ZNF469: variants seen among roughly 807,000 people sequenced by gnomAD.
ZNF469 encodes the protein zinc finger protein 469.
ZNF469 carries 1 observed loss-of-function variant against 1.0 expected under a neutral mutation model. The observed-to-expected ratio is 1.00, with a 90% CI of 0.35 to 4.73. The LOEUF is 4.73. ZNF469 is among the 30% of genes most tolerant of loss of function. The pLI, the probability that ZNF469 is intolerant of heterozygous loss-of-function variation, is 0.16. For synonymous variants in ZNF469, 2,703 were observed against 2,363.4 expected (o/e 1.14, Z -4.17); for missense variants, 6,100 against 5,356.3 (o/e 1.14, Z -4.33).
chr16:88,414,185 C>G (rs1213335200), intron 1 of ZNF469, among the ~76,000 whole-genome samples: 1 of 152,200 alleles, frequency 6.6e-6, no homozygotes, highest in Non-Finnish European at 1.5e-5. Flanking sequence ...GGGTAGAGTC[C>G]AACCTTGGGA....
chr16:88,357,446 G>A, the ZNF469 span, among the ~76,000 whole-genome samples: 1 of 152,102 alleles, frequency 6.6e-6, no homozygotes, highest in Non-Finnish European at 1.5e-5. Context: ...GTGTAGGTTC[G>A]AGTCTCATCC....
chr16:88,395,205 G>A (rs998478577), intron 1 of ZNF469, among the ~76,000 whole-genome samples: 3 of 151,282 alleles, frequency 2.0e-5, no homozygotes, highest in African/African-American at 7.3e-5. Flanking sequence ...GTGGGTATGT[G>A]GATGGATGGG....
chr16:88,402,591 G>C (rs1904912730), intron 1 of ZNF469, among the ~76,000 whole-genome samples: 1 of 152,186 alleles, frequency 6.6e-6, no homozygotes, highest in African/African-American at 2.4e-5. Context: ...CAGGATGCTG[G>C]TTGCAGCTCA....
At chr16:88,158,273 G>C in the ZNF469 span, among the ~76,000 whole-genome samples, 1 of 151,976 alleles carries the variant, frequency 6.6e-6, no homozygotes, top group Non-Finnish European at 1.5e-5. Context: ...GGAGGCCAGG[G>C]AGTGGGGGCA....
the ZNF469 span, among the ~76,000 whole-genome samples, chr16:88,145,263 A>C: frequency 1.3e-5 from 2 of 152,210 alleles, no homozygotes; most frequent in African/African-American, 4.8e-5. Context: ...AGCATTTTAA[A>C]AGCAATTATT....
At chr16:88,151,267 C>G in the ZNF469 span, among the ~76,000 whole-genome samples, 457 of 152,352 alleles carry the variant, frequency 3.0e-3, no homozygotes, top group African/African-American at 0.01. The surrounding 1 kb of genome is among the most constrained non-coding windows in gnomAD (Gnocchi z 5.4). Context: ...TCAGCCGGGA[C>G]GACCCCAGAT....
chr16:88,347,110 T>TGGTG, the ZNF469 span, among the ~76,000 whole-genome samples: 1 of 152,162 alleles, frequency 6.6e-6, no homozygotes, highest in Non-Finnish European at 1.5e-5. Context: ...CAGCATGGTG[T>TGGTG]CACCTGTGTT....
chr16:88,372,088 A>C, the ZNF469 span, among the ~76,000 whole-genome samples: 1 of 126,602 alleles, frequency 7.9e-6, no homozygotes, highest in African/African-American at 3.1e-5. Context: ...CACCATCATC[A>C]CCATCACCAC....
the ZNF469 span, among the ~76,000 whole-genome samples, chr16:88,230,988 C>G: frequency 3.9e-5 from 6 of 152,146 alleles, no homozygotes; most frequent in Admixed American, 2.6e-4. Flanking sequence ...GGACACACGG[C>G]TGGAACTCTA....
the ZNF469 span, among the ~76,000 whole-genome samples, chr16:88,136,491 C>T: frequency 2.0e-5 from 3 of 152,366 alleles, no homozygotes; most frequent in East Asian, 1.9e-4. Context: ...TTCGTAACCC[C>T]AGGCCTGGTT....
At chr16:88,322,402 C>T in the ZNF469 span, among the ~76,000 whole-genome samples, 2 of 152,244 alleles carry the variant, frequency 1.3e-5, no homozygotes, top group Admixed American at 6.5e-5. Context: ...CTCGCGGTCT[C>T]GGGAGCCCCG....
At chr16:88,233,057 G>C in the ZNF469 span, among the ~76,000 whole-genome samples, 4 of 152,166 alleles carry the variant, frequency 2.6e-5, no homozygotes, top group African/African-American at 7.2e-5. Flanking sequence ...CCCACGGCCC[G>C]GGGGAGCCTC....
the ZNF469 span, among the ~76,000 whole-genome samples, chr16:88,138,429 T>C: frequency 6.6e-6 from 1 of 152,228 alleles, no homozygotes; most frequent in Non-Finnish European, 1.5e-5. Context: ...TAGCCCCAGC[T>C]TCCTTACTTC....
In ZNF469 at chr16:88,438,670, G is replaced by A. The variant is rs568186734; in HGVS notation, c.11200G>A (p.Gly3734Ser). Reference protein sequence around the residue: ...PKAKPGPSSQGSGSPRPGTKT... With the variant: ...PKAKPGPSSQSSGSPRPGTKT... ...AGCCAAACCCGGCCCCAGCTCCCAG[G>A]GCAGTGGAAGCCCTCGCCCCGGCAC... The change falls in exon 3 of 3, where the codon GGC becomes AGC. Residue 3734 changes from glycine (G) to serine (S), a missense_variant. Physicochemically the swap from Gly to Ser is moderately conservative, Grantham distance 56 (BLOSUM62 0). Coordinates refer to ENST00000565624, the MANE Select transcript of ZNF469 (RefSeq NM_001367624.2). 1 of 1,550,082 alleles carries A rather than the reference G, an allele frequency of 6.5e-7. No homozygotes were observed. Among genetic ancestry groups the A allele is most frequent in the Admixed American group, 2.0e-5 (1 of 51,002 alleles).
chr16:88,437,215 G>A lies in ZNF469; in HGVS notation c.9745G>A (p.Ala3249Thr), dbSNP rs560665168. 23 of 1,549,378 alleles carry A rather than the reference G, an allele frequency of 1.5e-5. No individual in the cohort carries two copies. In the Admixed American group the frequency reaches 2.0e-4, roughly 13 times the overall value. Reference protein sequence around the residue: ...HRGKRSAGKAAGSPGDPWGQE... With the variant: ...HRGKRSAGKATGSPGDPWGQE... ...GGGCAAGCGCTCCGCCGGCAAGGCC[G>A]CCGGGAGCCCGGGAGACCCGTGGGG... The change falls in exon 3 of 3, where the codon GCC (alanine) becomes ACC (threonine). Residue 3249 changes from alanine (A) to threonine (T), a missense_variant. Physicochemically the swap from Ala to Thr is moderately conservative, Grantham distance 58 (BLOSUM62 0). Coordinates refer to ENST00000565624, the MANE Select transcript of ZNF469 (RefSeq NM_001367624.2).
chr16:88,146,430 C>A, the ZNF469 span, among the ~76,000 whole-genome samples: 1,973 of 152,258 alleles, frequency 0.013, 13 homozygotes, highest in Non-Finnish European at 0.021. Context: ...GTGGCTGGAA[C>A]CTTCTTCCCT....
At chr16:88,422,025 GTGAGTGGGTGGATAGA>G (rs1203095375) in intron 1 of ZNF469, among the ~76,000 whole-genome samples, 1 of 151,866 alleles carries the variant, frequency 6.6e-6, no homozygotes, top group Admixed American at 6.6e-5. Context: ...AGATGAATGG[GTGAGTGGGTGGATAGA>G]TGGGTGGGTG....
chr16:88,157,045 C>A, the ZNF469 span, among the ~76,000 whole-genome samples: 1 of 152,242 alleles, frequency 6.6e-6, no homozygotes, highest in African/African-American at 2.4e-5. Flanking sequence ...GGTTTCCTTG[C>A]TGGGCCTCCA....
the ZNF469 span, among the ~76,000 whole-genome samples, chr16:88,208,440 G>T: frequency 2.8e-5 from 4 of 143,972 alleles, no homozygotes; most frequent in Admixed American, 2.1e-4. Flanking sequence ...GGGTGTTTCA[G>T]TGGCTTCAGT....
Sources: allele counts gnomAD v4.1 joint callset (sites outside exome capture counted in the v4.1 genomes callset), GRCh38; gene constraint gnomAD v4.1.1; non-coding constraint Gnocchi (gnomAD v3.1); transcripts MANE v1.5; gene names NCBI Gene and HGNC (gene_info 2026-07-23, HGNC 2026-07-21).